FZD3: variants seen among roughly 807,000 people sequenced by gnomAD.
FZD3 encodes the protein frizzled-3.
In FZD3, 30 loss-of-function variants were observed where a neutral mutation model predicts 60.7. That is an observed-to-expected ratio of 0.49 (90% CI 0.37 to 0.67). The LOEUF (loss-of-function observed/expected upper bound fraction) is 0.67. Ranked by LOEUF, FZD3 falls within the 30% of genes least tolerant of loss-of-function variation. The pLI, the probability that FZD3 is intolerant of heterozygous loss-of-function variation, is 0.00. For missense variants in FZD3, 605 were observed against 838.7 expected (o/e 0.72, Z 3.44); for synonymous variants, 246 against 275.2 (o/e 0.89, Z 1.05).
At chr8:28,532,872 T>C (rs1804915114) in intron 5 of FZD3, among the ~76,000 whole-genome samples, 1 of 152,232 alleles carries the variant, frequency 6.6e-6, no homozygotes, top group South Asian at 2.1e-4. Flanking sequence ...ATATTTCATG[T>C]AAGAGCTGCC....
chr8:28,545,366 G>A (rs930995867), intron 5 of FZD3, among the ~76,000 whole-genome samples: 2 of 152,208 alleles, frequency 1.3e-5, no homozygotes, highest in Non-Finnish European at 2.9e-5. Flanking sequence ...GGAGAGGTCA[G>A]CCTCTAGTAA....
chr8:28,540,462 G>A (rs1438399161), intron 5 of FZD3, among the ~76,000 whole-genome samples: 6 of 152,124 alleles, frequency 3.9e-5, no homozygotes, highest in African/African-American at 1.4e-4. Flanking sequence ...CCTGACCTCA[G>A]GTGATCCACT....
intron 5 of FZD3, among the ~76,000 whole-genome samples, chr8:28,549,947 T>C (rs959925668): frequency 2.0e-5 from 3 of 152,196 alleles, no homozygotes; most frequent in African/African-American, 7.2e-5. Flanking sequence ...TGTTGAATTC[T>C]GTTTGCATAC....
chr8:28,536,244 G>T (rs899566177), intron 5 of FZD3, among the ~76,000 whole-genome samples: 1 of 151,794 alleles, frequency 6.6e-6, no homozygotes, highest in Admixed American at 6.6e-5. Context: ...TTCCTAAAAT[G>T]CCCCTTCATT....
rs1805735995 is a variant in FZD3, at chr8:28,568,045, A to C, written c.*5034A>C. The C allele has an allele frequency of 1.3e-5, 2 of 152,202 alleles. No individual in the cohort carries two copies. 9.4% of individuals were successfully genotyped at this position (152,202 alleles called of 1,614,324 possible). On this transcript the variant is annotated 3_prime_UTR_variant, in exon 8 of 8. Coordinates refer to ENST00000240093, the MANE Select transcript of FZD3 (RefSeq NM_017412.4). ...GGTTTTCATTGTGGCAAAACTTTAA[A>C]TTTTAAGTCATCACACTATGAGAAT...
rs989457237 is a variant in FZD3 at position 28,571,213 on chromosome 8, C to A, written c.*8202C>A. ...GTGATTTACTTTATGTTTAGCCATC[C>A]ACCATTTTCCTATTTCTCTACTCCT... On this transcript the variant is annotated 3_prime_UTR_variant, in exon 8 of 8. Transcript: ENST00000240093. 5 of 151,986 alleles carry A rather than the reference C, an allele frequency of 3.3e-5. No individual in the cohort carries two copies. Among genetic ancestry groups the A allele is most frequent in the African/African-American group, 1.2e-4 (5 of 41,406 alleles). 9.4% of individuals were successfully genotyped at this position (151,986 alleles called of 1,614,324 possible). A position where few individuals can be genotyped will look rare whatever the true frequency, so the allele number is the denominator to read the frequency against.
At chr8:28,562,013 A>G (rs988739228) in intron 7 of FZD3, among the ~76,000 whole-genome samples, 4 of 152,198 alleles carry the variant, frequency 2.6e-5, no homozygotes, top group African/African-American at 9.7e-5. Flanking sequence ...GCTGCTTTTC[A>G]AGATAAGTGC....
intron 5 of FZD3, among the ~76,000 whole-genome samples, chr8:28,542,058 C>T (rs1168985332): frequency 4.6e-5 from 7 of 151,022 alleles, no homozygotes; most frequent in East Asian, 2.0e-4. Context: ...ACAAAACCCT[C>T]CAGTGGCTTC....
At position 28,572,430 on chromosome 8, in the gene FZD3, A is replaced by C. The variant is rs1165180794; in HGVS notation, c.*9419A>C. The C allele has an allele frequency of 6.6e-6, 1 of 152,202 alleles. No individual in the cohort carries two copies. Among genetic ancestry groups the C allele is most frequent in the East Asian group, 1.9e-4 (1 of 5,204 alleles). 9.4% of individuals were successfully genotyped at this position (152,202 alleles called of 1,614,324 possible). A position where few individuals can be genotyped will look rare whatever the true frequency, so the allele number is the denominator to read the frequency against. On this transcript the variant is annotated 3_prime_UTR_variant, in exon 8 of 8. Transcript: ENST00000240093. ...TATCAAGAAAATTCTCCTTAAAAAA[A>C]GTTATCCTTTATTTTGTTGTTAAAT...
At chr8:28,508,751 T>C (rs1804208579) in intron 3 of FZD3, among the ~76,000 whole-genome samples, 1 of 152,208 alleles carries the variant, frequency 6.6e-6, no homozygotes, top group South Asian at 2.1e-4. Context: ...TCTCAAACTT[T>C]TGTTCTCAAG....
intron 5 of FZD3, 134 bp from the exon 6 acceptor site, chr8:28,551,469 T>G (rs1805409667): frequency 1.5e-6 from 1 of 646,160 alleles, no homozygotes; most frequent in South Asian, 1.8e-5. Context: ...TGAGCCAAGA[T>G]CACACCATTG....
In FZD3 at chr8:28,527,304, G is replaced by A; in HGVS notation, c.544G>A (p.Val182Met). 2 of 1,614,042 alleles carry A rather than the reference G, an allele frequency of 1.2e-6. No individual in the cohort carries two copies. Among genetic ancestry groups the A allele is most frequent in the Non-Finnish European group, 1.7e-6 (2 of 1,179,956 alleles). ...DPDLGYSFLH[V>M]RDCSPPCPNM... ...TGATCTGGGTTATTCTTTTCTGCAT[G>A]TGCGTGATTGTTCACCTCCTTGTCC... The change falls in exon 5 of 8, where the codon GTG becomes ATG. Residue 182 changes from valine to methionine, a missense_variant. Coordinates refer to ENST00000240093, the MANE Select transcript of FZD3 (RefSeq NM_017412.4). The surrounding 1 kb of genome is among the most constrained non-coding windows in gnomAD (Gnocchi z 5.0).
At chr8:28,535,928 G>A (rs567044183) in intron 5 of FZD3, among the ~76,000 whole-genome samples, 56 of 152,160 alleles carry the variant, frequency 3.7e-4, no homozygotes, top group South Asian at 1.4e-3. Flanking sequence ...CATAATATTC[G>A]TTAAAAATGT....
rs559940305 is a variant in FZD3 at position 28,565,051 on chromosome 8, T to C, written c.*2040T>C. The stretch of plus-strand genomic sequence containing the variant: ...ACGTGTGTTGAATTCATGTATACTT[T>C]CTTTCTTACCCTTTAAAACAAACTG... On this transcript the variant is annotated 3_prime_UTR_variant, in exon 8 of 8. Coordinates refer to ENST00000240093, the MANE Select transcript of FZD3 (RefSeq NM_017412.4). The C allele has an allele frequency of 8.2e-6, 1 of 122,160 alleles. No homozygotes were observed. The highest frequency in any genetic ancestry group is 2.5e-4 in the East Asian group (1 of 3,984). 7.6% of individuals were successfully genotyped at this position (122,160 alleles called of 1,614,324 possible).
intron 1 of FZD3, among the ~76,000 whole-genome samples, 170 bp downstream of exon 1, chr8:28,494,513 G>C (rs1418556161): frequency 1.3e-5 from 2 of 152,004 alleles, no homozygotes; most frequent in Admixed American, 6.5e-5. Flanking sequence ...CTCTCGTCGC[G>C]GCCACAACAA....
chr8:28,548,658 A>G (rs1805348842), intron 5 of FZD3, among the ~76,000 whole-genome samples: 1 of 152,230 alleles, frequency 6.6e-6, no homozygotes, highest in African/African-American at 2.4e-5. Context: ...TTTAATTATT[A>G]TAGCTTAATG....
intron 1 of FZD3, among the ~76,000 whole-genome samples, chr8:28,499,099 A>G (rs1291561459): frequency 6.6e-6 from 1 of 152,200 alleles, no homozygotes; most frequent in Non-Finnish European, 1.5e-5. Context: ...CAGTCAGCAC[A>G]TATTTACAGA....
Position 28,533,275 on chromosome 8 carries a change from G to A in FZD3, c.1404+5111G>A, listed in dbSNP as rs115026172. On this transcript the variant is annotated intron_variant, in intron 5 of 7. Coordinates refer to ENST00000240093, the MANE Select transcript of FZD3 (RefSeq NM_017412.4). ...CAGGTCTCAAACTCCTGGCCTCAGG[G>A]ATCCTCCCTCTTCAGCCTCCCAAAG... Among the ~76,000 whole-genome samples, 976 of 151,880 alleles carry A rather than the reference G, an allele frequency of 6.4e-3. 8 individuals carry two copies. The highest frequency in any genetic ancestry group is 0.022 in the African/African-American group (926 of 41,418).
chr8:28,546,795 G>A (rs1805304167), intron 5 of FZD3, among the ~76,000 whole-genome samples: 1 of 152,044 alleles, frequency 6.6e-6, no homozygotes, highest in Non-Finnish European at 1.5e-5. Context: ...CTAACACAGT[G>A]AAACCCCGTC....
Sources: gnomAD v4.1 joint callset for allele counts (sites outside exome capture counted in the v4.1 genomes callset) on GRCh38, gnomAD v4.1.1 for gene constraint, Gnocchi (gnomAD v3.1) non-coding constraint, MANE v1.5 for transcripts, NCBI Gene and HGNC (gene_info 2026-07-23, HGNC 2026-07-21) for gene names.